Variants in ENPP2 observed in about 807,000 individuals in gnomAD.
ENPP2 encodes the protein ectonucleotide pyrophosphatase/phosphodiesterase 2.
ENPP2 carries 51 observed loss-of-function variants against 120.2 expected under a neutral mutation model. The ratio of observed to expected loss-of-function variants is 0.42; its 90% CI spans 0.34 to 0.54. The LOEUF (loss-of-function observed/expected upper bound fraction) is 0.54. ENPP2 is among the 20% of genes least tolerant of loss of function. ENPP2 has a pLI of 0.04. For missense variants in ENPP2, 920 were observed against 1,066.5 expected (o/e 0.86, Z 1.91); for synonymous variants, 365 against 366.4 (o/e 1.00, Z 0.04).
At chr8:119,616,687 G>A (rs1336674703) in intron 7 of ENPP2, among the ~76,000 whole-genome samples, 1 of 151,870 alleles carries the variant, frequency 6.6e-6, no homozygotes, top group African/African-American at 2.4e-5. Flanking sequence ...CCTTTAGTTT[G>A]GAATGTATAC....
chr8:119,557,288 C>T lies in ENPP2; in HGVS notation c.*233G>A, dbSNP rs1813543913. ...TCAAATCTGCAGCACCATTTAGAAG[C>T]TTCCACTAAAAACTCAAGCTGCAGT... On this transcript the variant is annotated 3_prime_UTR_variant, in exon 25 of 25. Coordinates refer to ENST00000075322, the MANE Select transcript of ENPP2 (RefSeq NM_001040092.3). The T allele has an allele frequency of 1.7e-5, 8 of 458,856 alleles. No homozygotes were observed. The highest frequency in any genetic ancestry group is 1.2e-4 in the Admixed American group (3 of 25,312). 28.4% of individuals were successfully genotyped at this position (458,856 alleles called of 1,614,324 possible).
chr8:119,632,073 T>G (rs1019198536), intron 2 of ENPP2, among the ~76,000 whole-genome samples: 22 of 152,240 alleles, frequency 1.4e-4, no homozygotes, highest in Admixed American at 5.2e-4. Context: ...CTCTTTATTG[T>G]ACCTGACGTA....
intron 2 of ENPP2, among the ~76,000 whole-genome samples, chr8:119,629,527 T>C (rs191028300): frequency 1.3e-5 from 2 of 152,144 alleles, no homozygotes; most frequent in Non-Finnish European, 1.5e-5. Context: ...AAAGTCAGAG[T>C]CATCCAATCC....
At chr8:119,636,203 A>G (rs1261101804) in intron 2 of ENPP2, among the ~76,000 whole-genome samples, 2 of 152,190 alleles carry the variant, frequency 1.3e-5, no homozygotes, top group Non-Finnish European at 2.9e-5. Flanking sequence ...GGCTTTTCTA[A>G]TGGTCAGAAT....
At chr8:119,561,787 TTG>T (rs146680195) in intron 24 of ENPP2, among the ~76,000 whole-genome samples, 16,442 of 148,692 alleles carry the variant, frequency 0.11, 2,227 homozygotes, top group African/African-American at 0.32. Flanking sequence ...TGCTCTTGCT[TTG>T]TGTGTGTGTG....
intron 24 of ENPP2, among the ~76,000 whole-genome samples, chr8:119,561,932 A>G (rs2129918187): frequency 6.6e-6 from 1 of 151,730 alleles, no homozygotes; most frequent in Admixed American, 6.6e-5. Flanking sequence ...AGGTCAGGAG[A>G]TTGAGACCAT....
At chr8:119,665,384 G>C (rs1013387847) in intron 1 of ENPP2, among the ~76,000 whole-genome samples, 2 of 152,148 alleles carry the variant, frequency 1.3e-5, no homozygotes, top group Non-Finnish European at 2.9e-5. Flanking sequence ...TATTTACTTT[G>C]GAATAAGGTT....
At chr8:119,604,077 G>C (rs1814515024) in intron 9 of ENPP2, among the ~76,000 whole-genome samples, 1 of 150,186 alleles carries the variant, frequency 6.7e-6, no homozygotes, top group African/African-American at 2.5e-5. Flanking sequence ...GCCTAGGCTG[G>C]AGTGCAGTGA....
intron 11 of ENPP2, among the ~76,000 whole-genome samples, chr8:119,600,095 G>A (rs1814188579): frequency 6.6e-6 from 1 of 152,060 alleles, no homozygotes; most frequent in Admixed American, 6.6e-5. Context: ...GTTACTTTGG[G>A]GGGGTGATGA....
At chr8:119,639,600 C>A (rs1331243414), upstream of ENPP2, among the ~76,000 whole-genome samples, 1 of 133,170 alleles carries the variant, frequency 7.5e-6, no homozygotes, top group African/African-American at 2.9e-5. Context: ...CAGCTTGTTT[C>A]GGGCGGGGCG....
intron 8 of ENPP2, among the ~76,000 whole-genome samples, chr8:119,613,016 C>T (rs1441749343): frequency 6.6e-6 from 1 of 152,186 alleles, no homozygotes; most frequent in African/African-American, 2.4e-5. Context: ...CTCAAATCTC[C>T]ACATTTAGTC....
intron 1 of ENPP2, among the ~76,000 whole-genome samples, chr8:119,650,535 C>T (rs1048983777): frequency 6.6e-6 from 1 of 152,160 alleles, no homozygotes; most frequent in Non-Finnish European, 1.5e-5. Context: ...TGCAGAGAAG[C>T]AAATTCCAAA....
chr8:119,576,935 G>A (rs1300039603), intron 19 of ENPP2, among the ~76,000 whole-genome samples: 1 of 152,146 alleles, frequency 6.6e-6, no homozygotes, highest in Non-Finnish European at 1.5e-5. Context: ...TAAAGGATTT[G>A]ATTCCATAAC....
Position 119,626,549 on chromosome 8 carries a change from C to A in ENPP2, c.292+16G>T, listed in dbSNP as rs1816289798. 1 of 1,611,092 alleles carries A rather than the reference C, an allele frequency of 6.2e-7. No homozygotes were observed. The highest frequency in any genetic ancestry group is 2.2e-5 in the East Asian group (1 of 44,818). ...GCCATCTACTTGAAGGTAGAGAGGA[C>A]TCATAAGTTACGTACCTGTCTTCAA... is the stretch of plus-strand genomic sequence containing the variant. On this transcript the variant is annotated intron_variant, in intron 3 of 24. Transcript: ENST00000075322.
chr8:119,619,711 TAAAA>T (rs561905279), intron 4 of ENPP2, among the ~76,000 whole-genome samples: 1 of 110,546 alleles, frequency 9.0e-6, no homozygotes. Flanking sequence ...CTTTAGATGC[TAAAA>T]AAAAAAAAAA....
chr8:119,629,459 A>G (rs1276824159), intron 2 of ENPP2, among the ~76,000 whole-genome samples: 2 of 152,236 alleles, frequency 1.3e-5, no homozygotes, highest in African/African-American at 4.8e-5. Flanking sequence ...AGGTTCACCC[A>G]AGCCATTTAT....
In ENPP2 at chr8:119,589,417, GT is replaced by G. The variant is rs368246343; in HGVS notation, c.1207+1087del. Among the ~76,000 whole-genome samples the G allele has an allele frequency of 9.8e-3, 1,483 of 151,520 alleles. 20 individuals carry two copies. The highest frequency in any genetic ancestry group is 0.034 in the African/African-American group (1,396 of 41,274). ...TTATGAATTCATGGGCCATGGGAAG[GT>G]TTTTTTTTCTCCTCCAAACCAACCT... On this transcript the variant is annotated intron_variant, in intron 13 of 24. Transcript: ENST00000075322.
intron 11 of ENPP2, among the ~76,000 whole-genome samples, chr8:119,599,997 A>T (rs1814175495): frequency 7.4e-6 from 1 of 134,682 alleles, no homozygotes; most frequent in Admixed American, 7.9e-5. Context: ...ACGGAGCAAG[A>T]CTCTGTCTCA....
chr8:119,651,797 T>C (rs957848257), intron 1 of ENPP2, among the ~76,000 whole-genome samples: 6 of 152,174 alleles, frequency 3.9e-5, no homozygotes, highest in African/African-American at 1.4e-4. Context: ...TCCTAAGATC[T>C]CAGAGAGAAT....
Sources: gnomAD v4.1 joint callset for allele counts (sites outside exome capture counted in the v4.1 genomes callset) on GRCh38, gnomAD v4.1.1 for gene constraint, MANE v1.5 for transcripts, NCBI Gene and HGNC (gene_info 2026-07-23, HGNC 2026-07-21) for gene names.